Variants in KLHDC9 observed in about 807,000 individuals in gnomAD.
The protein encoded by KLHDC9 is kelch domain-containing protein 9.
In KLHDC9, 26 loss-of-function variants were observed where a neutral mutation model predicts 31.5. That is an observed-to-expected ratio of 0.83 (90% CI 0.61 to 1.15). The LOEUF (loss-of-function observed/expected upper bound fraction) is 1.15. Among genes scored for constraint, KLHDC9 ranks in the 50% most tolerant of loss-of-function variants. The probability of loss-of-function intolerance (pLI) is 0.00; values close to 1 mark genes in which losing one functional copy is unlikely to be tolerated. For synonymous variants in KLHDC9, 176 were observed against 184.7 expected (o/e 0.95, Z 0.38); for missense variants, 437 against 467.7 (o/e 0.93, Z 0.61).
At position 161,099,527 on chromosome 1, in the gene KLHDC9, T is replaced by C. The variant is rs747090793; in HGVS notation, c.687+22T>C. 4 of 1,613,972 alleles carry C rather than the reference T, an allele frequency of 2.5e-6. No individual in the cohort carries two copies. The African/African-American group carries it at 5.3e-5, about 22-fold the overall frequency. Reference sequence around the variant, plus strand: ...TAAGGTATTAGCTCCTCACACATCTTGTTTAGGATGGGAAGAGGCTAAAAT... The same window carrying C: ...TAAGGTATTAGCTCCTCACACATCTCGTTTAGGATGGGAAGAGGCTAAAAT... On this transcript the variant is annotated intron_variant, in intron 2 of 3. Coordinates refer to ENST00000368011, the MANE Select transcript of KLHDC9 (RefSeq NM_152366.5).
chr1:161,100,035 AAC>A (rs1314297534), intron 3 of KLHDC9, 24 bp from the exon 4 acceptor site: 3 of 1,611,870 alleles, frequency 1.9e-6, no homozygotes. Flanking sequence ...CTGCCTCAAT[AAC>A]CACCCTCTGC....
rs1128752 is a variant in KLHDC9, at chr1:161,100,252, C to T, written c.*28C>T. On this transcript the variant is annotated 3_prime_UTR_variant, in exon 4 of 4. Coordinates refer to ENST00000368011, the MANE Select transcript of KLHDC9 (RefSeq NM_152366.5). ...AGTGCCAAGACACATCACTAAGCCT[C>T]GTTTTGTTTTGCTTTGTTGCAAACC... 0.019 allele frequency: 30,369 copies of T among 1,600,528 alleles called. 309 individuals are homozygous for T. The highest frequency in any genetic ancestry group is 0.025 in the Middle Eastern group (153 of 6,016).
chr1:161,099,187 A>T, intron 1 of KLHDC9, 125 bp downstream of exon 1: 1 of 1,318,344 alleles, frequency 7.6e-7, no homozygotes, highest in Non-Finnish European at 1.1e-6. Flanking sequence ...AGGGGAACCT[A>T]CCATGTTTAA....
intron 1 of KLHDC9, 46 bp downstream of exon 1, chr1:161,099,108 C>G (rs751757431): frequency 6.4e-7 from 1 of 1,571,094 alleles, no homozygotes; most frequent in African/African-American, 1.3e-5. Flanking sequence ...TCCACACTCT[C>G]GAAAAACAAA....
At position 161,098,415 on chromosome 1, in the gene KLHDC9, C is replaced by T; in HGVS notation, c.-121C>T. The stretch of plus-strand genomic sequence containing the variant: ...AAGCCGGGACTTGAGGTGGGAACCC[C>T]GGCTGGCGTCCGGTAGGGGGAGGTT... On this transcript the variant is annotated 5_prime_UTR_variant, in exon 1 of 4. Coordinates refer to ENST00000368011, the MANE Select transcript of KLHDC9 (RefSeq NM_152366.5). This position sits in a 1 kb window ranked among gnomAD's most constrained non-coding sequence, Gnocchi z 6.3. The T allele has an allele frequency of 2.2e-6, 2 of 899,012 alleles. No individual in the cohort carries two copies. Among genetic ancestry groups the T allele is most frequent in the South Asian group, 3.8e-5 (2 of 52,530 alleles). The allele number at this position is 899,012 out of a possible 1,614,324, so 55.7% of individuals were successfully genotyped here.
At chr1:161,099,536 TG>T (rs1173476141) in intron 2 of KLHDC9, 31 bp downstream of exon 2, 6 of 1,613,942 alleles carry the variant, frequency 3.7e-6, no homozygotes, top group Non-Finnish European at 5.1e-6. Flanking sequence ...TTGTTTAGGA[TG>T]GGAAGAGGCT....
intron 3 of KLHDC9, 39 bp downstream of exon 3, chr1:161,099,835 G>A: frequency 6.4e-7 from 1 of 1,566,138 alleles, no homozygotes; most frequent in South Asian, 1.1e-5. Flanking sequence ...GGGAAGGTGG[G>A]AAGATGGGGG....
In KLHDC9 at chr1:161,098,876, G is replaced by A. The variant is rs780012718; in HGVS notation, c.341G>A (p.Arg114His). The change falls in exon 1 of 4, where the codon CGC becomes CAC. Residue 114 changes from arginine to histidine, a missense_variant. Physicochemically the swap from Arg to His is conservative, Grantham distance 29 (BLOSUM62 0). Transcript: ENST00000368011. This position sits in a 1 kb window ranked among gnomAD's most constrained non-coding sequence, Gnocchi z 6.3. ...ACAGTGACCGCACTGGACACAGAGCGCGGTGTGTGGGAGGCGTGGACAGGG... is the reference window on the plus strand; with the variant it reads ...ACAGTGACCGCACTGGACACAGAGCACGGTGTGTGGGAGGCGTGGACAGGG... Reference protein sequence around the residue: ...LATVTALDTERGVWEAWTGTP... With the variant: ...LATVTALDTEHGVWEAWTGTP... The A allele has an allele frequency of 3.2e-6, 5 of 1,575,802 alleles. No individual in the cohort carries two copies. Among genetic ancestry groups the A allele is most frequent in the South Asian group, 1.2e-5 (1 of 86,656 alleles).
chr1:161,099,281 C>T, intron 1 of KLHDC9, 65 bp from the exon 2 acceptor site: 1 of 1,587,642 alleles, frequency 6.3e-7, no homozygotes, highest in Non-Finnish European at 8.6e-7. Flanking sequence ...CCATCCTTGG[C>T]AAGGGCGGTG....
Position 161,099,689 on chromosome 1 carries a change from G to C in KLHDC9, c.779G>C (p.Arg260Pro). 1 of 1,614,160 alleles carries C rather than the reference G, an allele frequency of 6.2e-7. No homozygotes were observed. The highest frequency in any genetic ancestry group is 8.5e-7 in the Non-Finnish European group (1 of 1,180,006). Residue 260 changes from arginine to proline, a missense_variant, in exon 3 of 4, where the codon CGG becomes CCG. Arg to Pro is a moderately radical substitution (Grantham distance 103, BLOSUM62 -2). Coordinates refer to ENST00000368011, the MANE Select transcript of KLHDC9 (RefSeq NM_152366.5). ...TCCCAGAAGGGGCCCCATGGACTAC[G>C]GCATCACTCATGTTCTGTGGTCGGG... is the stretch of plus-strand genomic sequence containing the variant. ...QGSQKGPHGL[R>P]HHSCSVVGPF...
chr1:161,099,199 C>T, intron 1 of KLHDC9, 137 bp downstream of exon 1: 1 of 1,296,276 alleles, frequency 7.7e-7, no homozygotes, highest in Non-Finnish European at 1.1e-6. Flanking sequence ...CATGTTTAAG[C>T]TAGCTGAGCT....
rs1391792101 is a variant in KLHDC9 at position 161,099,337 on chromosome 1, T to C, written c.528-9T>C. 1.2e-6 allele frequency: 2 copies of C among 1,614,142 alleles called. No individual in the cohort carries two copies. Among genetic ancestry groups the C allele is most frequent in the Admixed American group, 1.7e-5 (1 of 60,024 alleles). On this transcript the variant is annotated splice_polypyrimidine_tract_variant and intron_variant, in intron 1 of 3. Coordinates refer to ENST00000368011, the MANE Select transcript of KLHDC9 (RefSeq NM_152366.5). ...ACCCACTCAGCCCTGAATTTCTGCATGTCCACAGCTACAAGCAAGAAGGCT... is the reference window on the plus strand; with the variant it reads ...ACCCACTCAGCCCTGAATTTCTGCACGTCCACAGCTACAAGCAAGAAGGCT...
rs1172225885 is a variant in KLHDC9 at position 161,098,436 on chromosome 1, A to G, written c.-100A>G. The G allele has an allele frequency of 4.6e-6, 5 of 1,088,786 alleles. No individual in the cohort carries two copies. Among genetic ancestry groups the G allele is most frequent in the South Asian group, 1.8e-5 (1 of 54,544 alleles). 67.4% of individuals were successfully genotyped at this position (1,088,786 alleles called of 1,614,324 possible). On this transcript the variant is annotated 5_prime_UTR_variant, in exon 1 of 4. Coordinates refer to ENST00000368011, the MANE Select transcript of KLHDC9 (RefSeq NM_152366.5). The surrounding 1 kb of genome is among the most constrained non-coding windows in gnomAD (Gnocchi z 6.3). ...ACCCCGGCTGGCGTCCGGTAGGGGG[A>G]GGTTCCCGGGGAAGCCCGCGGAAGG...
rs779845697 is a variant in KLHDC9, at chr1:161,100,103, G to A, written c.929G>A (p.Arg310His). The A allele has an allele frequency of 3.3e-5, 53 of 1,614,056 alleles. No homozygotes were observed. The Middle Eastern group carries it at 8.3e-4, about 25-fold the overall frequency. Residue 310 changes from arginine (R) to histidine (H), a missense_variant, in exon 4 of 4, where the codon CGT (arginine) becomes CAT (histidine). Transcript: ENST00000368011. ...PLWFHFPCAD[R>H]GMKRMGHRTC... Reference sequence around the variant, plus strand: ...TGGTTCCACTTCCCCTGTGCAGATCGTGGGATGAAACGCATGGGCCATCGC... The same window carrying A: ...TGGTTCCACTTCCCCTGTGCAGATCATGGGATGAAACGCATGGGCCATCGC...
chr1:161,099,255 C>A, intron 1 of KLHDC9, 91 bp from the exon 2 acceptor site: 1 of 1,486,444 alleles, frequency 6.7e-7, no homozygotes, highest in Non-Finnish European at 9.4e-7. Context: ...CGCACTGCCC[C>A]ATGCCTCTTC....
intron 3 of KLHDC9, 84 bp downstream of exon 3, chr1:161,099,880 GGGTA>G: frequency 1.4e-6 from 2 of 1,421,046 alleles, no homozygotes; most frequent in East Asian, 2.3e-5. Context: ...TGGAGTGATG[GGGTA>G]GGGAGGAGGA....
rs1177456636 is a variant in KLHDC9 at position 161,098,921 on chromosome 1, C to A, written c.386C>A (p.Pro129His). 6.4e-7 allele frequency: 1 copy of A among 1,572,134 alleles called. No individual in the cohort carries two copies. The highest frequency in any genetic ancestry group is 8.6e-7 in the Non-Finnish European group (1 of 1,162,720). Residue 129 changes from proline (P) to histidine (H), a missense_variant, in exon 1 of 4, where the codon CCC becomes CAC. Transcript: ENST00000368011. The surrounding 1 kb of genome is among the most constrained non-coding windows in gnomAD (Gnocchi z 6.3). ...ACAGGGACCCCTGGTGACTGCCCCCCCGCCGGCCTCAGTAGTCACACCTGC... is the reference window on the plus strand; with the variant it reads ...ACAGGGACCCCTGGTGACTGCCCCCACGCCGGCCTCAGTAGTCACACCTGC... ...AWTGTPGDCP[P>H]AGLSSHTCTR...
chr1:161,100,305 G>T lies in KLHDC9; in HGVS notation c.*81G>T. ...TAAAGCGTTATCACCAGAGCTATCTGCTTCACTTCAAATGCTTATTAAATT... is the reference window on the plus strand; with the variant it reads ...TAAAGCGTTATCACCAGAGCTATCTTCTTCACTTCAAATGCTTATTAAATT... On this transcript the variant is annotated 3_prime_UTR_variant, in exon 4 of 4. Coordinates refer to ENST00000368011, the MANE Select transcript of KLHDC9 (RefSeq NM_152366.5). 7.4e-7 allele frequency: 1 copy of T among 1,351,786 alleles called. No individual in the cohort carries two copies. 83.7% of individuals were successfully genotyped at this position (1,351,786 alleles called of 1,614,324 possible).
intron 1 of KLHDC9, 76 bp from the exon 2 acceptor site, chr1:161,099,270 T>A: frequency 6.4e-7 from 1 of 1,560,334 alleles, no homozygotes; most frequent in Non-Finnish European, 8.8e-7. Context: ...CTCTTCTCCA[T>A]CCATCCTTGG....
Sources: allele counts gnomAD v4.1 joint callset, GRCh38; gene constraint gnomAD v4.1.1; non-coding constraint Gnocchi (gnomAD v3.1); transcripts MANE v1.5; gene names NCBI Gene and HGNC (gene_info 2026-07-23, HGNC 2026-07-21).